Variants in ATF2 observed in about 807,000 individuals in gnomAD.
ATF2 encodes the protein cyclic AMP-dependent transcription factor ATF-2.
Under a neutral mutation model 60.6 loss-of-function variants are expected in ATF2, and 24 were observed. The observed-to-expected ratio is 0.40, with a 90% CI of 0.29 to 0.56. ATF2 has a LOEUF of 0.56. Among genes scored for constraint, ATF2 ranks in the 20% least tolerant of loss-of-function variants. The probability of loss-of-function intolerance (pLI) is 0.54; values close to 1 mark genes in which losing one functional copy is unlikely to be tolerated. For missense variants in ATF2, 433 were observed against 607.7 expected (o/e 0.71, Z 3.02); for synonymous variants, 206 against 215.4 (o/e 0.96, Z 0.38).
chr2:175,079,166 C>T (rs1693580744), intron 13 of ATF2, among the ~76,000 whole-genome samples: 1 of 152,092 alleles, frequency 6.6e-6, no homozygotes, highest in South Asian at 2.1e-4. Context: ...TTTGCATCTG[C>T]TGAGCATACA....
intron 3 of ATF2, among the ~76,000 whole-genome samples, chr2:175,136,021 T>G (rs1698122347): frequency 2.7e-5 from 4 of 150,598 alleles, no homozygotes; most frequent in East Asian, 3.9e-4. Flanking sequence ...CTTTGTTTTT[T>G]TTTTTTTTTT....
intron 12 of ATF2, among the ~76,000 whole-genome samples, chr2:175,086,773 A>G (rs1444859289): frequency 6.6e-6 from 1 of 152,178 alleles, no homozygotes; most frequent in Non-Finnish European, 1.5e-5. Flanking sequence ...TTAATCTCAT[A>G]AAGAAAATAC....
intron 5 of ATF2, among the ~76,000 whole-genome samples, chr2:175,120,610 C>T (rs1475117032): frequency 1.3e-5 from 2 of 151,438 alleles, no homozygotes; most frequent in African/African-American, 4.8e-5. Context: ...TGACATATAA[C>T]AAGCTTTACA....
chr2:175,126,874 G>A (rs1339978581), intron 4 of ATF2: 2 of 152,102 alleles, frequency 1.3e-5, no homozygotes, highest in Non-Finnish European at 2.9e-5. Flanking sequence ...TTCACTCCAA[G>A]CCAGCAAAAT....
intron 10 of ATF2, among the ~76,000 whole-genome samples, chr2:175,100,228 G>A (rs1000543803): frequency 2.0e-5 from 3 of 152,118 alleles, no homozygotes; most frequent in Non-Finnish European, 2.9e-5. Context: ...TAACTTCCTT[G>A]CAGAGTTGAA....
chr2:175,120,068 T>C (rs1009892202), intron 5 of ATF2, among the ~76,000 whole-genome samples: 2 of 151,714 alleles, frequency 1.3e-5, no homozygotes, highest in Non-Finnish European at 3.0e-5. Flanking sequence ...TTGAATGTGC[T>C]CTATTTTTCT....
At chr2:175,133,745 G>T (rs546373496) in intron 3 of ATF2, among the ~76,000 whole-genome samples, 1 of 152,016 alleles carries the variant, frequency 6.6e-6, no homozygotes, top group African/African-American at 2.4e-5. Flanking sequence ...TAAGTTTCTA[G>T]AAGAAAAATA....
At chr2:175,084,604 C>T (rs563921737) in intron 12 of ATF2, among the ~76,000 whole-genome samples, 32 of 147,958 alleles carry the variant, frequency 2.2e-4, no homozygotes, top group Non-Finnish European at 4.0e-4. Context: ...TGTAACTAAC[C>T]GGCACATTGT....
chr2:175,085,313 T>A (rs374910529), intron 12 of ATF2, among the ~76,000 whole-genome samples: 2 of 152,116 alleles, frequency 1.3e-5, no homozygotes, highest in African/African-American at 2.4e-5. Flanking sequence ...GGCGGGCAGA[T>A]AACTTGAGGT....
In ATF2 at chr2:175,096,253, G is replaced by T. The variant is rs150579499; in HGVS notation, c.978+1191C>A. Among the ~76,000 whole-genome samples the T allele has an allele frequency of 2.4e-4, 37 of 152,218 alleles. No homozygotes were observed. In the East Asian group the frequency reaches 2.7e-3, roughly 11 times the overall value. On this transcript the variant is annotated intron_variant, in intron 11 of 13. Coordinates refer to ENST00000264110, the MANE Select transcript of ATF2 (RefSeq NM_001880.4). Reference sequence around the variant, plus strand: ...AGAAAGAATTAGAAAAGCACTGCAGGCATATAACAATATCAATCATCTCAT... The same window carrying T: ...AGAAAGAATTAGAAAAGCACTGCAGTCATATAACAATATCAATCATCTCAT...
chr2:175,113,582 A>G (rs1003553371), intron 9 of ATF2, among the ~76,000 whole-genome samples: 2 of 152,168 alleles, frequency 1.3e-5, no homozygotes, highest in African/African-American at 4.8e-5. Context: ...ATGCTGGGCT[A>G]TCAAAGATTC....
intron 1 of ATF2, among the ~76,000 whole-genome samples, chr2:175,156,839 T>C (rs183747661): frequency 6.1e-4 from 93 of 152,280 alleles, no homozygotes; most frequent in Non-Finnish European, 1.1e-3. Flanking sequence ...AATAAATCTT[T>C]ATTGTTTTAA....
At chr2:175,158,234 A>ATTTTT (rs34664149) in intron 1 of ATF2, among the ~76,000 whole-genome samples, 1 of 132,712 alleles carries the variant, frequency 7.5e-6, no homozygotes, top group African/African-American at 2.8e-5. Flanking sequence ...TGAATTCAGG[A>ATTTTT]TTTTTTTTTT....
At position 175,141,375 on chromosome 2, in the gene ATF2, GCCCCCGGCACTTTATCCAA is replaced by G. The variant is rs966149216; in HGVS notation, c.-43-4908_-43-4890del. On this transcript the variant is annotated intron_variant, in intron 2 of 13. Coordinates refer to ENST00000264110, the MANE Select transcript of ATF2 (RefSeq NM_001880.4). Reference sequence around the variant, plus strand: ...CCTACTGGCAGGGGCTTAATAAAGTGCCCCCGGCACTTTATCCAAATTAAATACAACATGAAGCTTTATC... The same window carrying G: ...CCTACTGGCAGGGGCTTAATAAAGTGATTAAATACAACATGAAGCTTTATC... 3.3e-5 allele frequency among the ~76,000 whole-genome samples: 5 copies of G among 152,006 alleles called. 1 individual carries two copies. Among genetic ancestry groups the G allele is most frequent in the African/African-American group, 1.2e-4 (5 of 41,448 alleles).
At chr2:175,114,988 AAT>A (rs1369195385) in intron 7 of ATF2, 120 bp from the exon 8 acceptor site, 2 of 815,062 alleles carry the variant, frequency 2.5e-6, no homozygotes, top group Non-Finnish European at 3.5e-6. Context: ...AAAGCAAATT[AAT>A]ATCTCAAATT....
chr2:175,077,179 T>C (rs1693388687), intron 13 of ATF2, among the ~76,000 whole-genome samples: 2 of 152,162 alleles, frequency 1.3e-5, no homozygotes, highest in South Asian at 2.1e-4. Flanking sequence ...TGCCACATTT[T>C]CTTAATCCAG....
intron 11 of ATF2, among the ~76,000 whole-genome samples, chr2:175,095,782 T>C (rs570294023): frequency 2.0e-4 from 30 of 152,324 alleles, no homozygotes; most frequent in African/African-American, 6.5e-4. Context: ...AGGGAAACTA[T>C]AGTTAGTGCA....
Position 175,114,066 on chromosome 2 carries a change from A to C in ATF2, c.669T>G (p.Asn223Lys). 1 of 1,613,270 alleles carries C rather than the reference A, an allele frequency of 6.2e-7. No individual in the cohort carries two copies. The change falls in exon 9 of 14, where the codon AAT becomes AAG. Residue 223 changes from asparagine (N) to lysine (K), a missense_variant. Asn to Lys is a moderately conservative substitution (Grantham distance 94). This residue lies in a region of ATF2 where 246 missense variants were observed against 309.3 expected (regional missense o/e 0.80). Transcript: ENST00000264110. ...GAATAGCAACAGGCATGGTTTGTCC[A>C]TTAGGAAGATGTAACAGAAGAGGAA... ...GPFPLLLHLPNGQTMPVAIPA... is the reference protein window; with the variant it reads ...GPFPLLLHLPKGQTMPVAIPA...
intron 4 of ATF2, among the ~76,000 whole-genome samples, chr2:175,126,060 T>G (rs79582420): frequency 3.9e-5 from 6 of 152,138 alleles, no homozygotes; most frequent in African/African-American, 1.4e-4. Flanking sequence ...TCCCATTCTC[T>G]CTTCAACCTA....
Sources: gnomAD v4.1 joint callset for allele counts (sites outside exome capture counted in the v4.1 genomes callset) on GRCh38, gnomAD v4.1.1 for gene constraint, gnomAD v4.1.1 regional missense constraint, MANE v1.5 for transcripts, NCBI Gene and HGNC (gene_info 2026-07-23, HGNC 2026-07-21) for gene names.